Variants in RNF208 observed in about 807,000 individuals in gnomAD.
The protein encoded by RNF208 is ring finger protein 208.
A neutral mutation model predicts 15.2 loss-of-function variants in RNF208; 7 were observed. The ratio of observed to expected loss-of-function variants is 0.46; its 90% CI spans 0.26 to 0.86. RNF208 has a LOEUF of 0.86. Ranked by LOEUF, RNF208 falls within the 40% of genes least tolerant of loss-of-function variation. The pLI, the probability that RNF208 is intolerant of heterozygous loss-of-function variation, is 0.16. For synonymous variants in RNF208, 211 were observed against 163.2 expected, an observed-to-expected ratio of 1.29 and a Z score of -2.23; for missense variants, 342 against 364.1, an observed-to-expected ratio of 0.94 and a Z score of 0.49.
Position 137,221,407 on chromosome 9 carries a change from C to T in RNF208, c.-195G>A. 6.7e-6 allele frequency: 1 copy of T among 149,642 alleles called. No homozygotes were observed. Among genetic ancestry groups the T allele is most frequent in the East Asian group, 2.1e-4 (1 of 4,796 alleles). 9.3% of individuals were successfully genotyped at this position (149,642 alleles called of 1,614,324 possible). A position where few individuals can be genotyped will look rare whatever the true frequency, so the allele number is the denominator to read the frequency against. On this transcript the variant is annotated 5_prime_UTR_variant, in exon 2 of 2. Transcript: ENST00000391553. ...AGTGGCCACAGTGGCTTCTCTGGTCCAGTCCTGGGAGGAGGAGGAAGGGGT... is the reference window on the plus strand; with the variant it reads ...AGTGGCCACAGTGGCTTCTCTGGTCTAGTCCTGGGAGGAGGAGGAAGGGGT...
chr9:137,220,295 C>T lies in RNF208; in HGVS notation c.*132G>A, dbSNP rs879556196. ...GTTTTAATGGCAAAGTTGGCTGCAGCGACAATGCCACTCGGGGTGGGGCCG... is the reference window on the plus strand; with the variant it reads ...GTTTTAATGGCAAAGTTGGCTGCAGTGACAATGCCACTCGGGGTGGGGCCG... On this transcript the variant is annotated 3_prime_UTR_variant, in exon 2 of 2. Coordinates refer to ENST00000391553, the MANE Select transcript of RNF208 (RefSeq NM_031297.7). 17 of 1,019,378 alleles carry T rather than the reference C, an allele frequency of 1.7e-5. No individual in the cohort carries two copies. Among genetic ancestry groups the T allele is most frequent in the Admixed American group, 8.7e-5 (3 of 34,660 alleles). 63.1% of individuals were successfully genotyped at this position (1,019,378 alleles called of 1,614,324 possible). A position where few individuals can be genotyped will look rare whatever the true frequency, so the allele number is the denominator to read the frequency against.
Position 137,220,556 on chromosome 9 carries a change from CAGCGCCTCAGGCGGCA to C in RNF208, c.641_656del (p.Leu214ArgfsTer54), listed in dbSNP as rs1564408007. ...CCCACTGACCCCCGGATGGGGCCGT[CAGCGCCTCAGGCGGCA>C]GGCGGCTCAGGATGGACGTGTTGAC... On this transcript the variant is annotated frameshift_variant, in exon 2 of 2. Transcript: ENST00000391553. LOFTEE classifies it high-confidence loss of function. 1 of 1,609,932 alleles carries C rather than the reference CAGCGCCTCAGGCGGCA, an allele frequency of 6.2e-7. No homozygotes were observed.
chr9:137,221,254 GCGTTGTGT>G lies in RNF208; in HGVS notation c.-50_-43del. 19 of 1,349,834 alleles carry G rather than the reference GCGTTGTGT, an allele frequency of 1.4e-5. No homozygotes were observed. Among genetic ancestry groups the G allele is most frequent in the Middle Eastern group, 2.7e-4 (1 of 3,672 alleles). The allele number at this position is 1,349,834 out of a possible 1,614,324, so 83.6% of individuals were successfully genotyped here. On this transcript the variant is annotated 5_prime_UTR_variant, in exon 2 of 2. The change abolishes the stop of an existing upstream ORF in the 5' untranslated region. Coordinates refer to ENST00000391553, the MANE Select transcript of RNF208 (RefSeq NM_031297.7). ...AGACTGGATGTTCGGGTGGGTGGGG[GCGTTGTGT>G]GGGGCTGGGGGGCAGGTGACAGGGC...
At position 137,220,475 on chromosome 9, in the gene RNF208, C is replaced by T. The variant is rs2131386135; in HGVS notation, c.738G>A (p.Ala246=). The part of the protein sequence containing the change: ...YQTFRQYCGA[A]CTCHVRNPLS... The stretch of plus-strand genomic sequence containing the variant: ...GTGGGTTCCGCACGTGGCAGGTGCA[C>T]GCGGCCCCACAGTACTGCCGGAAGG... The change falls in exon 2 of 2, where the codon GCG becomes GCA. Residue 246 remains alanine, a synonymous_variant. Coordinates refer to ENST00000391553, the MANE Select transcript of RNF208 (RefSeq NM_031297.7). 5.6e-6 allele frequency: 9 copies of T among 1,598,630 alleles called. No homozygotes were observed. Among genetic ancestry groups the T allele is most frequent in the East Asian group, 2.3e-5 (1 of 44,172 alleles).
In RNF208 at chr9:137,221,249, T is replaced by TGGGGGGGGGG; in HGVS notation, c.-38_-37insCCCCCCCCCC. On this transcript the variant is annotated 5_prime_UTR_variant, in exon 2 of 2. An upstream open reading frame in the 5' UTR loses its in-frame stop. Transcript: ENST00000391553. ...CAGTCAGACTGGATGTTCGGGTGGGTGGGGGCGTTGTGTGGGGCTGGGGGG... is the reference window on the plus strand; with the variant it reads ...CAGTCAGACTGGATGTTCGGGTGGGTGGGGGGGGGGGGGGGCGTTGTGTGGGGCTGGGGGG... 1 of 139,536 alleles carries TGGGGGGGGGG rather than the reference T, an allele frequency of 7.2e-6. No individual in the cohort carries two copies. The highest frequency in any genetic ancestry group is 9.7e-6 in the Non-Finnish European group (1 of 103,094). 8.6% of individuals were successfully genotyped at this position (139,536 alleles called of 1,614,324 possible). A position where few individuals can be genotyped will look rare whatever the true frequency, so the allele number is the denominator to read the frequency against.
Position 137,220,370 on chromosome 9 carries a change from G to C in RNF208, c.*57C>G. 1 of 1,489,652 alleles carries C rather than the reference G, an allele frequency of 6.7e-7. No individual in the cohort carries two copies. Among genetic ancestry groups the C allele is most frequent in the Non-Finnish European group, 9.0e-7 (1 of 1,115,648 alleles). 92.3% of individuals were successfully genotyped at this position (1,489,652 alleles called of 1,614,324 possible). A position where few individuals can be genotyped will look rare whatever the true frequency, so the allele number is the denominator to read the frequency against. ...TCAGCGGGCGGCAGGGCAGGGCCGG[G>C]TCCCTGAAGAAGCAGCGAGCGAGGC... is the stretch of plus-strand genomic sequence containing the variant. On this transcript the variant is annotated 3_prime_UTR_variant, in exon 2 of 2. Coordinates refer to ENST00000391553, the MANE Select transcript of RNF208 (RefSeq NM_031297.7).
At position 137,221,248 on chromosome 9, in the gene RNF208, GTGGGGGCGTTGTGTGGGGCT is replaced by G; in HGVS notation, c.-56_-37del. ...CCAGTCAGACTGGATGTTCGGGTGGGTGGGGGCGTTGTGTGGGGCTGGGGGGCAGGTGACAGGGCAGCATC... is the reference window on the plus strand; with the variant it reads ...CCAGTCAGACTGGATGTTCGGGTGGGGGGGGGCAGGTGACAGGGCAGCATC... On this transcript the variant is annotated 5_prime_UTR_variant, in exon 2 of 2. An upstream open reading frame in the 5' UTR loses its in-frame stop. Transcript: ENST00000391553. 1 of 1,382,194 alleles carries G rather than the reference GTGGGGGCGTTGTGTGGGGCT, an allele frequency of 7.2e-7. No individual in the cohort carries two copies. Among genetic ancestry groups the G allele is most frequent in the East Asian group, 2.6e-5 (1 of 38,772 alleles). 85.6% of individuals were successfully genotyped at this position (1,382,194 alleles called of 1,614,324 possible).
chr9:137,221,275 C>A lies in RNF208; in HGVS notation c.-63G>T. Reference sequence around the variant, plus strand: ...GGGGGCGTTGTGTGGGGCTGGGGGGCAGGTGACAGGGCAGCATCCTGGTCC... The same window carrying A: ...GGGGGCGTTGTGTGGGGCTGGGGGGAAGGTGACAGGGCAGCATCCTGGTCC... On this transcript the variant is annotated 5_prime_UTR_variant, in exon 2 of 2. Coordinates refer to ENST00000391553, the MANE Select transcript of RNF208 (RefSeq NM_031297.7). The A allele has an allele frequency of 1.9e-6, 2 of 1,047,976 alleles. No individual in the cohort carries two copies. The highest frequency in any genetic ancestry group is 2.5e-6 in the Non-Finnish European group (2 of 786,774). 64.9% of individuals were successfully genotyped at this position (1,047,976 alleles called of 1,614,324 possible). A position where few individuals can be genotyped will look rare whatever the true frequency, so the allele number is the denominator to read the frequency against.
Position 137,220,883 on chromosome 9 carries a change from C to T in RNF208, c.330G>A (p.Val110=). ...KGSSELGFPR[V]APEDEVIVNQ... Reference sequence around the variant, plus strand: ...TCACAATGACCTCATCCTCTGGGGCCACGCGGGGAAAGCCCAGCTCCGAGC... The same window carrying T: ...TCACAATGACCTCATCCTCTGGGGCTACGCGGGGAAAGCCCAGCTCCGAGC... The change falls in exon 2 of 2, where the codon GTG becomes GTA. Residue 110 remains valine (V), a synonymous_variant. Coordinates refer to ENST00000391553, the MANE Select transcript of RNF208 (RefSeq NM_031297.7). 1 of 1,582,092 alleles carries T rather than the reference C, an allele frequency of 6.3e-7. No homozygotes were observed. The highest frequency in any genetic ancestry group is 1.8e-5 in the Admixed American group (1 of 56,996).
chr9:137,222,336 G>C (rs1292414019), upstream of RNF208, among the ~76,000 whole-genome samples: 4 of 150,280 alleles, frequency 2.7e-5, no homozygotes, highest in East Asian at 7.8e-4. Context: ...CGCGGGGCGG[G>C]GCCAGCCTCC....
At position 137,221,225 on chromosome 9, in the gene RNF208, A is replaced by G; in HGVS notation, c.-13T>C. 9.7e-7 allele frequency: 1 copy of G among 1,026,572 alleles called. No homozygotes were observed. Among genetic ancestry groups the G allele is most frequent in the Non-Finnish European group, 1.2e-6 (1 of 811,350 alleles). The allele number at this position is 1,026,572 out of a possible 1,614,324, so 63.6% of individuals were successfully genotyped here. A position where few individuals can be genotyped will look rare whatever the true frequency, so the allele number is the denominator to read the frequency against. Reference sequence around the variant, plus strand: ...GGTCAGAGGGCATCCGGCTGTCTCCAGTCAGACTGGATGTTCGGGTGGGTG... The same window carrying G: ...GGTCAGAGGGCATCCGGCTGTCTCCGGTCAGACTGGATGTTCGGGTGGGTG... On this transcript the variant is annotated 5_prime_UTR_variant, in exon 2 of 2. Transcript: ENST00000391553.
Position 137,221,181 on chromosome 9 carries a change from C to T in RNF208, c.32G>A (p.Ser11Asn). The change falls in exon 2 of 2, where the codon AGT (serine) becomes AAT (asparagine). Residue 11 changes from serine (S) to asparagine (N), a missense_variant. Ser to Asn is a conservative substitution (Grantham distance 46, BLOSUM62 1). Around this residue, in one of 3 missense-constraint regions of RNF208, gnomAD observed 207 missense variants for 193.7 expected, o/e 1.07. Coordinates refer to ENST00000391553, the MANE Select transcript of RNF208 (RefSeq NM_031297.7). The part of the protein sequence containing the change: MPSDPGPEAG[S>N]GWPGLLMSCL... ...GGACATGAGGAGGCCCGGCCAGCCACTGCCCGCCTCGGGCCCGGGGTCAGA... is the reference window on the plus strand; with the variant it reads ...GGACATGAGGAGGCCCGGCCAGCCATTGCCCGCCTCGGGCCCGGGGTCAGA... The T allele has an allele frequency of 2.1e-6, 3 of 1,412,800 alleles. No homozygotes were observed. Among genetic ancestry groups the T allele is most frequent in the Non-Finnish European group, 1.9e-6 (2 of 1,062,500 alleles). 87.5% of individuals were successfully genotyped at this position (1,412,800 alleles called of 1,614,324 possible).
upstream of RNF208, among the ~76,000 whole-genome samples, chr9:137,223,403 C>A (rs534969601): frequency 2.8e-4 from 43 of 152,296 alleles, no homozygotes; most frequent in Admixed American, 1.2e-3. Context: ...CCCGAGGAAG[C>A]ACCAGGCCGC....
chr9:137,220,338 G>T lies in RNF208; in HGVS notation c.*89C>A. On this transcript the variant is annotated 3_prime_UTR_variant, in exon 2 of 2. Transcript: ENST00000391553. ...TGGGGCCGGAAGCCATGGTGGGGAA[G>T]GAAGGGTCAGCGGGCGGCAGGGCAG... The T allele has an allele frequency of 1.5e-6, 2 of 1,370,510 alleles. No homozygotes were observed. The highest frequency in any genetic ancestry group is 2.5e-5 in the East Asian group (1 of 40,410). 84.9% of individuals were successfully genotyped at this position (1,370,510 alleles called of 1,614,324 possible).
At chr9:137,222,402 G>C (rs2131388544), upstream of RNF208, among the ~76,000 whole-genome samples, 1 of 151,856 alleles carries the variant, frequency 6.6e-6, no homozygotes, top group East Asian at 1.9e-4. Flanking sequence ...TGCGTGGGGG[G>C]CAGGACCCCC....
At position 137,221,244 on chromosome 9, in the gene RNF208, G is replaced by T. The variant is rs1420236867; in HGVS notation, c.-32C>A. The T allele has an allele frequency of 7.2e-7, 1 of 1,398,552 alleles. No individual in the cohort carries two copies. The highest frequency in any genetic ancestry group is 9.4e-7 in the Non-Finnish European group (1 of 1,067,484). The allele number at this position is 1,398,552 out of a possible 1,614,324, so 86.6% of individuals were successfully genotyped here. A position where few individuals can be genotyped will look rare whatever the true frequency, so the allele number is the denominator to read the frequency against. ...GTCTCCAGTCAGACTGGATGTTCGG[G>T]TGGGTGGGGGCGTTGTGTGGGGCTG... On this transcript the variant is annotated 5_prime_UTR_variant, in exon 2 of 2. Transcript: ENST00000391553.
At chr9:137,222,542 G>A (rs535453707), upstream of RNF208, among the ~76,000 whole-genome samples, 1 of 152,306 alleles carries the variant, frequency 6.6e-6, no homozygotes, top group South Asian at 2.1e-4. Context: ...GAGTGAGAGG[G>A]AGGGGACCTG....
At position 137,220,923 on chromosome 9, in the gene RNF208, C is replaced by T. The variant is rs1486743898; in HGVS notation, c.290G>A (p.Arg97Gln). 4 of 1,561,420 alleles carry T rather than the reference C, an allele frequency of 2.6e-6. No homozygotes were observed. Among genetic ancestry groups the T allele is most frequent in the East Asian group, 2.3e-5 (1 of 44,128 alleles). ...CAGCTCCGAGCTTCCCTTACGGGGC[C>T]GCCGTGGCAGTGGCGGGGTATGGGG... ...GAPHTPPLPR[R>Q]PRKGSSELGF... Residue 97 changes from arginine to glutamine, a missense_variant, in exon 2 of 2, where the codon CGG becomes CAG. Physicochemically the swap from Arg to Gln is conservative, Grantham distance 43. Coordinates refer to ENST00000391553, the MANE Select transcript of RNF208 (RefSeq NM_031297.7).
rs779193337 is a variant in RNF208, at chr9:137,220,387, G to A, written c.*40C>T. On this transcript the variant is annotated 3_prime_UTR_variant, in exon 2 of 2. Coordinates refer to ENST00000391553, the MANE Select transcript of RNF208 (RefSeq NM_031297.7). ...AGGGCCGGGTCCCTGAAGAAGCAGC[G>A]AGCGAGGCTCAGCGGGCAGTGGCGG... The A allele has an allele frequency of 3.1e-5, 47 of 1,517,766 alleles. 1 individual carries two copies. Among genetic ancestry groups the A allele is most frequent in the South Asian group, 7.7e-5 (6 of 77,974 alleles). 94.0% of individuals were successfully genotyped at this position (1,517,766 alleles called of 1,614,324 possible).
Sources: allele counts gnomAD v4.1 joint callset (sites outside exome capture counted in the v4.1 genomes callset), GRCh38; gene constraint gnomAD v4.1.1; regional missense constraint gnomAD v4.1.1; transcripts MANE v1.5; gene names NCBI Gene and HGNC (gene_info 2026-07-23, HGNC 2026-07-21).